Variants in FAM178B observed in about 807,000 individuals in gnomAD.
FAM178B encodes the protein protein FAM178B.
FAM178B carries 82 observed loss-of-function variants against 91.7 expected under a neutral mutation model. The ratio of observed to expected loss-of-function variants is 0.89; its 90% CI spans 0.75 to 1.07. The LOEUF is 1.07. Ranked by LOEUF, FAM178B falls within the 50% of genes least tolerant of loss-of-function variation. FAM178B has a pLI of 0.00. For synonymous variants in FAM178B, 368 were observed against 359.4 expected (o/e 1.02, Z -0.27); for missense variants, 769 against 846.7 (o/e 0.91, Z 1.14).
intron 6 of FAM178B, among the ~76,000 whole-genome samples, chr2:96,957,535 C>G (rs553838581): frequency 1.3e-5 from 2 of 152,326 alleles, no homozygotes; most frequent in Non-Finnish European, 2.9e-5. Flanking sequence ...CCACCTGGCC[C>G]CATTTGGCAG....
At chr2:96,878,179 G>A (rs1371394168) in intron 15 of FAM178B, 137 bp from the exon 16 acceptor site, 2 of 1,002,586 alleles carry the variant, frequency 2.0e-6, no homozygotes, top group East Asian at 2.5e-5. Flanking sequence ...AGGAAAAGGA[G>A]GATGGGGCCA....
At chr2:96,920,011 G>A (rs1325480435) in intron 12 of FAM178B, among the ~76,000 whole-genome samples, 2 of 152,204 alleles carry the variant, frequency 1.3e-5, no homozygotes, top group East Asian at 1.9e-4. Context: ...TGCAGGGGAA[G>A]GGAAGGGGTC....
intron 5 of FAM178B, among the ~76,000 whole-genome samples, chr2:96,961,429 T>C (rs1559098756): frequency 6.6e-6 from 1 of 151,768 alleles, no homozygotes. Flanking sequence ...CATATCCCAC[T>C]ACAACTGAGG....
chr2:96,973,206 C>A (rs1574321005), intron 1 of FAM178B, among the ~76,000 whole-genome samples: 2 of 138,364 alleles, frequency 1.4e-5, no homozygotes, highest in South Asian at 4.8e-4. Flanking sequence ...GACTCCATTT[C>A]AAAAAAAAAA....
chr2:96,885,418 A>G (rs1272719219), intron 14 of FAM178B, among the ~76,000 whole-genome samples: 1 of 152,194 alleles, frequency 6.6e-6, no homozygotes, highest in Non-Finnish European at 1.5e-5. Context: ...CTTAAGTTCT[A>G]TCTCTAGCTG....
chr2:96,960,034 G>A (rs1293895173), intron 6 of FAM178B, among the ~76,000 whole-genome samples: 1 of 152,208 alleles, frequency 6.6e-6, no homozygotes, highest in East Asian at 1.9e-4. Context: ...GGAGGGAAAA[G>A]CAACATGAAC....
intron 6 of FAM178B, chr2:96,951,750 C>T: frequency 5.3e-6 from 2 of 376,908 alleles, no homozygotes; most frequent in Non-Finnish European, 5.0e-6. Context: ...TGGCTGGAGG[C>T]AGTGGCTCAC....
At chr2:96,895,629 T>TG (rs1386804557) in intron 13 of FAM178B, among the ~76,000 whole-genome samples, 1 of 152,246 alleles carries the variant, frequency 6.6e-6, no homozygotes. Flanking sequence ...TCCCAGCCCT[T>TG]GGCCTCTGTG....
chr2:96,903,770 G>A (rs545863348), intron 12 of FAM178B, among the ~76,000 whole-genome samples: 1 of 152,330 alleles, frequency 6.6e-6, no homozygotes, highest in African/African-American at 2.4e-5. Flanking sequence ...ATGCAGAGAG[G>A]CTCCCTGGGT....
At chr2:96,876,511 G>GT (rs1444543259) in intron 16 of FAM178B, among the ~76,000 whole-genome samples, 2 of 152,194 alleles carry the variant, frequency 1.3e-5, no homozygotes, top group Non-Finnish European at 2.9e-5. Flanking sequence ...GTCTCCCAGG[G>GT]CCCCTCTACC....
At chr2:96,967,820 T>TC (rs944880567) in intron 4 of FAM178B, among the ~76,000 whole-genome samples, 193 bp from the exon 5 acceptor site, 12 of 151,606 alleles carry the variant, frequency 7.9e-5, no homozygotes, top group Non-Finnish European at 1.8e-4. Flanking sequence ...GACTGTGCTT[T>TC]CCCCAAATGA....
chr2:96,905,556 CAA>C (rs533970081), intron 12 of FAM178B, among the ~76,000 whole-genome samples: 3 of 90,628 alleles, frequency 3.3e-5, no homozygotes, highest in Non-Finnish European at 4.5e-5. Context: ...GACTCCATCT[CAA>C]AAAAAAAAAA....
intron 5 of FAM178B, among the ~76,000 whole-genome samples, chr2:96,965,154 C>A (rs1474671356): frequency 6.6e-6 from 1 of 152,004 alleles, no homozygotes; most frequent in African/African-American, 2.4e-5. Flanking sequence ...TACGCGTCAC[C>A]ACGCCCAGCT....
chr2:96,902,321 G>A (rs1285427043), intron 13 of FAM178B, among the ~76,000 whole-genome samples: 1 of 150,950 alleles, frequency 6.6e-6, no homozygotes, highest in South Asian at 2.1e-4. Context: ...AGCCAGGATG[G>A]TCTTGATCTC....
At chr2:96,975,873 C>A (rs1049839162) in intron 1 of FAM178B, among the ~76,000 whole-genome samples, 1 of 152,200 alleles carries the variant, frequency 6.6e-6, no homozygotes, top group Non-Finnish European at 1.5e-5. Context: ...CTTGGCCTCC[C>A]AAAGTTTGGG....
chr2:96,899,935 C>T (rs2080895144), intron 13 of FAM178B, among the ~76,000 whole-genome samples: 1 of 147,034 alleles, frequency 6.8e-6, no homozygotes. Flanking sequence ...TTATAGCTCG[C>T]TGTAGCCTCC....
intron 1 of FAM178B, among the ~76,000 whole-genome samples, chr2:96,980,161 C>T (rs776744457): frequency 1.3e-5 from 2 of 149,194 alleles, no homozygotes; most frequent in African/African-American, 2.5e-5. Context: ...CTGCAACCTC[C>T]GCCTCCCCGT....
At chr2:96,883,347 C>T (rs149563847) in intron 14 of FAM178B, among the ~76,000 whole-genome samples, 18 of 152,332 alleles carry the variant, frequency 1.2e-4, no homozygotes, top group East Asian at 1.9e-4. Flanking sequence ...GCCAAGGGAG[C>T]GGGCTGTGGC....
chr2:96,944,241 C>CAA lies in FAM178B; in HGVS notation c.1078+3575_1078+3576dup, dbSNP rs397868752. 2.5e-3 allele frequency among the ~76,000 whole-genome samples: 142 copies of CAA among 56,224 alleles called. 1 individual carries two copies. The highest frequency in any genetic ancestry group is 8.2e-3 in the Middle Eastern group (1 of 122). The allele number at this position is 56,224 out of a possible 152,430, so 36.9% of individuals were successfully genotyped here. A position where few individuals can be genotyped will look rare whatever the true frequency, so the allele number is the denominator to read the frequency against. On this transcript the variant is annotated intron_variant, in intron 8 of 16. Coordinates refer to ENST00000490605, the MANE Select transcript of FAM178B (RefSeq NM_001122646.3). Reference sequence around the variant, plus strand: ...TGGGCGACAGAGCAAGACTCCATCTCAAAAAAAAAAAAAAAAAAAAAAGAC... The same window carrying CAA: ...TGGGCGACAGAGCAAGACTCCATCTCAAAAAAAAAAAAAAAAAAAAAAAAGAC...
Sources: gnomAD v4.1 joint callset for allele counts (sites outside exome capture counted in the v4.1 genomes callset) on GRCh38, gnomAD v4.1.1 for gene constraint, MANE v1.5 for transcripts, NCBI Gene and HGNC (gene_info 2026-07-23, HGNC 2026-07-21) for gene names.